PRSS55: variants seen among roughly 807,000 people sequenced by gnomAD.
PRSS55 encodes probable serine protease UNQ9391/PRO34284.
In PRSS55, 41 loss-of-function variants were observed where a neutral mutation model predicts 23.6. The ratio of observed to expected loss-of-function variants is 1.74; its 90% CI spans 1.35 to 2.26. The LOEUF is 2.26. PRSS55 is among the 30% of genes most tolerant of loss of function. The probability of loss-of-function intolerance (pLI) is 0.00; values close to 1 mark genes in which losing one functional copy is unlikely to be tolerated. For synonymous variants in PRSS55, 262 were observed against 175.5 expected (o/e 1.49, Z -3.90); for missense variants, 669 against 439.1 (o/e 1.52, Z -4.68).
At chr8:10,543,622 A>G (rs909670171), downstream of PRSS55, among the ~76,000 whole-genome samples, 8 of 149,170 alleles carry the variant, frequency 5.4e-5, no homozygotes, top group South Asian at 2.1e-4. Flanking sequence ...TCTAATTTTT[A>G]CTTTTATGAG....
chr8:10,537,630 C>T (rs1024045112), intron 4 of PRSS55, among the ~76,000 whole-genome samples: 3 of 152,132 alleles, frequency 2.0e-5, no homozygotes, highest in South Asian at 2.1e-4. Flanking sequence ...AAATGATAAA[C>T]GCTTGAGGGG....
intron 4 of PRSS55, among the ~76,000 whole-genome samples, chr8:10,536,203 G>C (rs1441320766): frequency 6.6e-6 from 1 of 151,872 alleles, no homozygotes; most frequent in African/African-American, 2.4e-5. Flanking sequence ...CAGAGGACAT[G>C]AACAGACACT....
intron 4 of PRSS55, among the ~76,000 whole-genome samples, chr8:10,552,935 T>C (rs1251422551): frequency 1.3e-5 from 2 of 152,234 alleles, no homozygotes; most frequent in Non-Finnish European, 2.9e-5. Flanking sequence ...TCAAAGGAAA[T>C]GAAATCAGTA....
At chr8:10,546,803 C>T (rs1214636522) in intron 4 of PRSS55, among the ~76,000 whole-genome samples, 1 of 152,082 alleles carries the variant, frequency 6.6e-6, no homozygotes, top group Non-Finnish European at 1.5e-5. Context: ...CCCACCTCCA[C>T]CTCCTGAGTA....
At chr8:10,533,071 C>T (rs1812330156) in intron 4 of PRSS55, 23 bp downstream of exon 4, 1 of 1,613,480 alleles carries the variant, frequency 6.2e-7, no homozygotes, top group Non-Finnish European at 8.5e-7. Flanking sequence ...TACCCTCCCT[C>T]ACCTTATAGG....
At chr8:10,528,800 A>G (rs935042990) in intron 1 of PRSS55, among the ~76,000 whole-genome samples, 3 of 152,244 alleles carry the variant, frequency 2.0e-5, no homozygotes, top group African/African-American at 7.2e-5. Flanking sequence ...AGGGTGCAGC[A>G]GGTCTGCGTT....
At chr8:10,543,370 C>G (rs1010336913), downstream of PRSS55, among the ~76,000 whole-genome samples, 7 of 151,902 alleles carry the variant, frequency 4.6e-5, no homozygotes, top group African/African-American at 9.7e-5. Flanking sequence ...GCCCCTAGAG[C>G]CAGGCATGCC....
chr8:10,545,874 G>A (rs1029216835), intron 4 of PRSS55, among the ~76,000 whole-genome samples: 7 of 152,206 alleles, frequency 4.6e-5, no homozygotes, highest in South Asian at 2.1e-4. Context: ...CATCAGAACC[G>A]GCCCAGTAAG....
exon 5 of PRSS55, chr8:10,554,013 C>T (rs1813008342): frequency 6.5e-7 from 1 of 1,529,942 alleles, no homozygotes; most frequent in South Asian, 1.2e-5. Flanking sequence ...GGGTCTCACA[C>T]CTTTCATCTG....
intron 3 of PRSS55, among the ~76,000 whole-genome samples, chr8:10,532,357 G>T (rs750208273): frequency 2.6e-5 from 4 of 152,192 alleles, no homozygotes; most frequent in Non-Finnish European, 5.9e-5. Context: ...TTTGTGGTCA[G>T]AGTTAATGAG....
intron 4 of PRSS55, among the ~76,000 whole-genome samples, chr8:10,533,507 A>G (rs1812345780): frequency 6.6e-6 from 1 of 152,194 alleles, no homozygotes; most frequent in African/African-American, 2.4e-5. Context: ...ACAATGATAA[A>G]ATATTGGGTG....
intron 4 of PRSS55, among the ~76,000 whole-genome samples, chr8:10,546,124 G>C (rs190854140): frequency 6.6e-6 from 1 of 152,246 alleles, no homozygotes; most frequent in African/African-American, 2.4e-5. Context: ...CCCCTGAGCT[G>C]AGCCAGCTTC....
chr8:10,531,273 C>T (rs201297393), intron 2 of PRSS55, 22 bp from the exon 3 acceptor site: 2 of 1,611,558 alleles, frequency 1.2e-6, no homozygotes, highest in East Asian at 2.2e-5. Flanking sequence ...CCACTTGCCC[C>T]TCTCTGGTTC....
intron 4 of PRSS55, among the ~76,000 whole-genome samples, chr8:10,551,774 A>G (rs1409402163): frequency 6.6e-6 from 1 of 152,146 alleles, no homozygotes; most frequent in African/African-American, 2.4e-5. Context: ...GGCACAAAAA[A>G]TCGCACTCCT....
At chr8:10,538,905 A>C (rs4077210), downstream of PRSS55, 93,841 of 1,132,404 alleles carry the variant, frequency 0.083, 4,311 homozygotes, top group Non-Finnish European at 0.093. Context: ...GGCTGGGACC[A>C]GGAGGACCAG....
chr8:10,526,586 G>T (rs918038008), intron 1 of PRSS55, among the ~76,000 whole-genome samples: 2 of 152,262 alleles, frequency 1.3e-5, no homozygotes, highest in African/African-American at 4.8e-5. Context: ...AGCCGTTTCT[G>T]CTTCCATCAC....
intron 2 of PRSS55, among the ~76,000 whole-genome samples, chr8:10,530,605 A>T (rs573043428): frequency 6.6e-6 from 1 of 152,142 alleles, no homozygotes; most frequent in Admixed American, 6.6e-5. Flanking sequence ...CTGCTCACCC[A>T]CAGTACCCAT....
intron 1 of PRSS55, among the ~76,000 whole-genome samples, chr8:10,528,150 G>C (rs575058718): frequency 6.7e-6 from 1 of 148,854 alleles, no homozygotes; most frequent in Admixed American, 6.8e-5. Context: ...AGTGAGCCGA[G>C]ATGGTGCCAC....
chr8:10,532,918 C>T lies in PRSS55; in HGVS notation c.611C>T (p.Ser204Phe), dbSNP rs749248130. 3 of 1,614,176 alleles carry T rather than the reference C, an allele frequency of 1.9e-6. No homozygotes were observed. The highest frequency in any genetic ancestry group is 1.1e-5 in the South Asian group (1 of 91,076). Residue 204 changes from serine (S) to phenylalanine (F), a missense_variant, in exon 4 of 5, where the codon TCT (serine) becomes TTT (phenylalanine). Physicochemically the swap from Ser to Phe is radical, Grantham distance 155 (BLOSUM62 -2). Transcript: ENST00000328655. Reference sequence around the variant, plus strand: ...CTCTCTGGGCCAGCTGACAAAAACTCTGTGAAAACGGATCTGATGAAAGCG... The same window carrying T: ...CTCTCTGGGCCAGCTGACAAAAACTTTGTGAAAACGGATCTGATGAAAGCG... ...WGQTNAADKN[S>F]VKTDLMKAPM...
Sources: gnomAD v4.1 joint callset for allele counts (sites outside exome capture counted in the v4.1 genomes callset) on GRCh38, gnomAD v4.1.1 for gene constraint, MANE v1.5 for transcripts, NCBI Gene and HGNC (gene_info 2026-07-23, HGNC 2026-07-21) for gene names.